Variants in MAGI2 observed in about 807,000 individuals in gnomAD.
The protein encoded by MAGI2 is membrane-associated guanylate kinase, WW and PDZ domain-containing protein 2.
Under a neutral mutation model 133.3 loss-of-function variants are expected in MAGI2, and 35 were observed. The observed-to-expected ratio is 0.26, with a 90% confidence interval of 0.20 to 0.35. The LOEUF (loss-of-function observed/expected upper bound fraction) is 0.35, where lower values mean the gene tolerates loss of function less well. MAGI2 is among the 10% of genes least tolerant of loss of function. The probability of loss-of-function intolerance (pLI) is 1.00; values close to 1 mark genes in which losing one functional copy is unlikely to be tolerated. For missense variants in MAGI2, 1,636 were observed against 1,863.4 expected, an observed-to-expected ratio of 0.88 and a Z score of 2.25; for synonymous variants, 729 against 710.6, an observed-to-expected ratio of 1.03 and a Z score of -0.41.
intron 1 of MAGI2, among the ~76,000 whole-genome samples, chr7:79,167,622 A>T (rs1267550835): frequency 6.6e-6 from 1 of 152,040 alleles, no homozygotes; most frequent in Admixed American, 6.6e-5. Flanking sequence ...TCACAAAGGA[A>T]ACAACCTCCT....
chr7:79,040,150 T>C (rs1158294500), intron 1 of MAGI2, among the ~76,000 whole-genome samples: 1 of 151,748 alleles, frequency 6.6e-6, no homozygotes, highest in East Asian at 2.0e-4. Context: ...TGCATGCTGT[T>C]CTGATGATAG....
At chr7:78,119,807 A>C (rs1027594012) in intron 20 of MAGI2, among the ~76,000 whole-genome samples, 1 of 152,158 alleles carries the variant, frequency 6.6e-6, no homozygotes, top group African/African-American at 2.4e-5. Context: ...AATGAAGAAA[A>C]GAAGACTGGG....
chr7:78,341,839 C>A (rs1428551684), intron 9 of MAGI2, among the ~76,000 whole-genome samples: 1 of 152,106 alleles, frequency 6.6e-6, no homozygotes, highest in African/African-American at 2.4e-5. Context: ...AAATGTAAGA[C>A]CTAAAACCAT....
At chr7:78,797,044 G>A (rs1009964163) in intron 2 of MAGI2, among the ~76,000 whole-genome samples, 2 of 151,966 alleles carry the variant, frequency 1.3e-5, no homozygotes, top group African/African-American at 4.8e-5. Context: ...TAGATAGAAG[G>A]AATAAGTTCT....
chr7:78,320,080 A>G (rs1216714447), intron 9 of MAGI2, among the ~76,000 whole-genome samples: 1 of 152,252 alleles, frequency 6.6e-6, no homozygotes, highest in East Asian at 1.9e-4. Flanking sequence ...ACCAGGAAGA[A>G]TTCGAATCCT....
At chr7:78,600,437 T>C (rs1047666058) in intron 3 of MAGI2, among the ~76,000 whole-genome samples, 7 of 152,112 alleles carry the variant, frequency 4.6e-5, no homozygotes, top group African/African-American at 1.4e-4. Context: ...AAAAATATGA[T>C]GCCATACAAA....
At chr7:78,749,479 G>T (rs1418979387) in intron 2 of MAGI2, among the ~76,000 whole-genome samples, 5 of 152,178 alleles carry the variant, frequency 3.3e-5, no homozygotes, top group African/African-American at 1.2e-4. Context: ...GGGAGATGGG[G>T]AATGTGGTTT....
intron 6 of MAGI2, among the ~76,000 whole-genome samples, chr7:78,392,291 T>C (rs1326351026): frequency 1.3e-5 from 2 of 152,100 alleles, no homozygotes; most frequent in Non-Finnish European, 2.9e-5. Flanking sequence ...GATTCTCAGG[T>C]AGAATCATGA....
chr7:79,141,567 T>G (rs1562934847), intron 1 of MAGI2, among the ~76,000 whole-genome samples: 1 of 152,194 alleles, frequency 6.6e-6, no homozygotes, highest in Non-Finnish European at 1.5e-5. Context: ...GCCTTTGTTT[T>G]TTTATTTCTT....
intron 9 of MAGI2, among the ~76,000 whole-genome samples, chr7:78,280,010 C>A (rs943142316): frequency 6.6e-6 from 1 of 152,148 alleles, no homozygotes; most frequent in African/African-American, 2.4e-5. Flanking sequence ...CCAGCTTAAT[C>A]AAACCCAGCT....
intron 1 of MAGI2, among the ~76,000 whole-genome samples, chr7:79,196,299 T>C (rs1828077077): frequency 6.9e-6 from 1 of 143,956 alleles, no homozygotes; most frequent in African/African-American, 2.6e-5. Flanking sequence ...CAAATATTCT[T>C]TTTTTTACTT....
intron 1 of MAGI2, among the ~76,000 whole-genome samples, chr7:79,357,298 A>G (rs2129117727): frequency 6.6e-6 from 1 of 152,250 alleles, no homozygotes; most frequent in South Asian, 2.1e-4. Flanking sequence ...TCAAAGTGAC[A>G]CCATGTGAGT....
chr7:79,339,965 G>C (rs1258751895), intron 1 of MAGI2, among the ~76,000 whole-genome samples: 2 of 152,066 alleles, frequency 1.3e-5, no homozygotes, highest in African/African-American at 4.8e-5. Flanking sequence ...TATGTCTTAA[G>C]TACATATATC....
intron 2 of MAGI2, among the ~76,000 whole-genome samples, chr7:78,972,519 T>C (rs1016412209): frequency 6.6e-6 from 1 of 151,898 alleles, no homozygotes; most frequent in East Asian, 1.9e-4. Flanking sequence ...CCTACTGACT[T>C]ATTCTACCTA....
rs540653911 is a variant in MAGI2 at position 78,847,980 on chromosome 7, C to G, written c.418+159110G>C. 2.0e-5 allele frequency among the ~76,000 whole-genome samples: 3 copies of G among 152,052 alleles called. No individual in the cohort carries two copies. In the South Asian group the frequency reaches 6.2e-4, roughly 32 times the overall value. ...TGCTAACTTACCAGCAAAATGAACA[C>G]AGACTCCAGAATCTCAAATTATCAA... On this transcript the variant is annotated intron_variant, in intron 2 of 21. Transcript: ENST00000354212.
intron 2 of MAGI2, among the ~76,000 whole-genome samples, chr7:78,630,435 A>ATTTTTTT: frequency 2.6e-5 from 1 of 38,542 alleles, no homozygotes; most frequent in African/African-American, 9.7e-5. Flanking sequence ...TTTTTTTTTG[A>ATTTTTTT]GACAGAGTCT....
At chr7:78,462,400 A>C (rs1410063586) in intron 6 of MAGI2, among the ~76,000 whole-genome samples, 1 of 152,240 alleles carries the variant, frequency 6.6e-6, no homozygotes, top group African/African-American at 2.4e-5. Flanking sequence ...TCTGAAATAA[A>C]CTTCACATTC....
intron 1 of MAGI2, among the ~76,000 whole-genome samples, chr7:79,057,700 C>G (rs1813279252): frequency 6.6e-6 from 1 of 152,050 alleles, no homozygotes; most frequent in Admixed American, 6.6e-5. Flanking sequence ...TGCTTAGTAC[C>G]TCCTCTTTAT....
intron 20 of MAGI2, among the ~76,000 whole-genome samples, chr7:78,087,459 T>C (rs1472737455): frequency 6.6e-6 from 1 of 151,916 alleles, no homozygotes; most frequent in African/African-American, 2.4e-5. Context: ...GTAGTTACAA[T>C]TAACAATAGA....
Sources: allele counts gnomAD v4.1 joint callset (sites outside exome capture counted in the v4.1 genomes callset), GRCh38; gene constraint gnomAD v4.1.1; transcripts MANE v1.5; gene names NCBI Gene and HGNC (gene_info 2026-07-23, HGNC 2026-07-21).